The following NPAS3 variants were observed in gnomAD, a reference collection of about 807,000 sequenced individuals.
NPAS3 encodes the protein neuronal PAS domain protein 3.
NPAS3 carries 14 observed loss-of-function variants against 73.1 expected under a neutral mutation model. That is an observed-to-expected ratio of 0.19 (90% CI 0.13 to 0.30). The LOEUF is 0.30. NPAS3 is among the 10% of genes least tolerant of loss of function. The pLI, the probability that NPAS3 is intolerant of heterozygous loss-of-function variation, is 1.00. For missense variants in NPAS3, 1,096 were observed against 1,250.0 expected, an observed-to-expected ratio of 0.88 and a Z score of 1.86; for synonymous variants, 620 against 541.5, an observed-to-expected ratio of 1.14 and a Z score of -2.01.
intron 1 of NPAS3, among the ~76,000 whole-genome samples, chr14:32,991,174 C>T (rs552429005): frequency 2.0e-5 from 3 of 151,468 alleles, no homozygotes; most frequent in African/African-American, 7.3e-5. Context: ...CGGGGTCTCA[C>T]TATGTTGCCC....
At chr14:33,697,245 T>C (rs1301176349) in intron 6 of NPAS3, among the ~76,000 whole-genome samples, 1 of 152,190 alleles carries the variant, frequency 6.6e-6, no homozygotes, top group Non-Finnish European at 1.5e-5. Flanking sequence ...GCCTGCTACC[T>C]ATGTCTATCA....
intron 1 of NPAS3, among the ~76,000 whole-genome samples, chr14:32,948,012 A>G (rs1049547104): frequency 4.6e-5 from 7 of 152,160 alleles, no homozygotes; most frequent in Non-Finnish European, 8.8e-5. Flanking sequence ...AACCTGCAGA[A>G]TGCACAGCAA....
At position 33,335,030 on chromosome 14, in the gene NPAS3, T is replaced by TTGTGTGTGTGCGTGTGTG. The variant is rs1491383211; in HGVS notation, c.386-32146_386-32145insCGTGTGTGTGTGTGTGTG. Among the ~76,000 whole-genome samples the TTGTGTGTGTGCGTGTGTG allele has an allele frequency of 9.0e-5, 13 of 144,266 alleles. No homozygotes were observed. The South Asian group carries it at 2.0e-3, about 22-fold the overall frequency. The allele number at this position is 144,266 out of a possible 152,430, so 94.6% of individuals were successfully genotyped here. On this transcript the variant is annotated intron_variant, in intron 3 of 11. Coordinates refer to ENST00000356141, the Ensembl canonical transcript of NPAS3. ...CTTGCTATGGCTTAGTGGTATTCCA[T>TTGTGTGTGTGCGTGTGTG]TGTGTGTGTGTGCGTGTGTGTGTGT...
At chr14:33,147,478 G>A (rs1290804884) in intron 2 of NPAS3, among the ~76,000 whole-genome samples, 1 of 151,388 alleles carries the variant, frequency 6.6e-6, no homozygotes, top group Non-Finnish European at 1.5e-5. Flanking sequence ...AATATGCTAG[G>A]TGATAGAAAT....
chr14:33,252,610 A>G (rs1358548938), intron 3 of NPAS3, among the ~76,000 whole-genome samples: 1 of 151,536 alleles, frequency 6.6e-6, no homozygotes, highest in Admixed American at 6.6e-5. Flanking sequence ...ACTATTACAT[A>G]TGTTATTTGA....
At chr14:33,099,064 C>A (rs2042507567) in intron 2 of NPAS3, among the ~76,000 whole-genome samples, 1 of 152,148 alleles carries the variant, frequency 6.6e-6, no homozygotes, top group African/African-American at 2.4e-5. Flanking sequence ...AAAGCCCTGG[C>A]AGGCAAGGTC....
chr14:33,621,538 T>C (rs996701709), intron 5 of NPAS3, among the ~76,000 whole-genome samples: 1 of 152,154 alleles, frequency 6.6e-6, no homozygotes, highest in Non-Finnish European at 1.5e-5. Context: ...TTATTAACTA[T>C]CTCCATACCC....
At chr14:33,024,126 ATG>A (rs756407576) in intron 1 of NPAS3, among the ~76,000 whole-genome samples, 12 of 144,360 alleles carry the variant, frequency 8.3e-5, no homozygotes, top group African/African-American at 1.6e-4. Context: ...GTGTATATAT[ATG>A]TGTGTGTGTG....
chr14:33,680,724 G>A (rs2059911668), intron 6 of NPAS3: 2 of 683,866 alleles, frequency 2.9e-6, no homozygotes, highest in East Asian at 5.4e-5. Flanking sequence ...GGCTTTTTGG[G>A]TGGGTGTGAG....
intron 4 of NPAS3, among the ~76,000 whole-genome samples, chr14:33,463,236 G>A (rs991192915): frequency 3.3e-5 from 5 of 152,236 alleles, no homozygotes; most frequent in African/African-American, 1.2e-4. Context: ...GAACAAATCT[G>A]TAGTAATCCT....
At chr14:33,329,113 T>C (rs968114359) in intron 3 of NPAS3, among the ~76,000 whole-genome samples, 10 of 152,186 alleles carry the variant, frequency 6.6e-5, no homozygotes, top group Admixed American at 2.0e-4. Flanking sequence ...TCAGGTATGA[T>C]GTTTTGCTAC....
intron 4 of NPAS3, among the ~76,000 whole-genome samples, chr14:33,534,271 T>C (rs1334984008): frequency 2.7e-5 from 4 of 150,580 alleles, no homozygotes; most frequent in Admixed American, 6.6e-5. Flanking sequence ...GTATGAACCA[T>C]GGCATGCTGA....
intron 6 of NPAS3, among the ~76,000 whole-genome samples, chr14:33,729,778 G>A (rs538226611): frequency 2.9e-4 from 44 of 152,170 alleles, no homozygotes; most frequent in Middle Eastern, 6.8e-3. Context: ...ATTAAAAGCA[G>A]GTCACCAAGT....
intron 4 of NPAS3, among the ~76,000 whole-genome samples, chr14:33,475,047 C>T (rs895235746): frequency 4.6e-5 from 7 of 151,934 alleles, no homozygotes; most frequent in African/African-American, 9.6e-5. Flanking sequence ...TGATTGATTC[C>T]GAAGCTGACA....
chr14:33,129,272 G>A (rs1374641165), intron 2 of NPAS3, among the ~76,000 whole-genome samples: 1 of 152,112 alleles, frequency 6.6e-6, no homozygotes, highest in East Asian at 1.9e-4. Flanking sequence ...AGGGCATTAA[G>A]GGAAAGAGAG....
chr14:33,643,516 G>A (rs2058738247), intron 5 of NPAS3, among the ~76,000 whole-genome samples: 1 of 152,062 alleles, frequency 6.6e-6, no homozygotes, highest in Admixed American at 6.5e-5. Flanking sequence ...GGGTTAAGCA[G>A]TAAGCTCTCG....
At chr14:33,795,318 T>C (rs1242880067) in intron 10 of NPAS3, among the ~76,000 whole-genome samples, 1 of 152,186 alleles carries the variant, frequency 6.6e-6, no homozygotes, top group African/African-American at 2.4e-5. Flanking sequence ...AGTATGTGTA[T>C]TGAGTGTGGC....
At chr14:33,459,901 A>G (rs2050184596) in intron 4 of NPAS3, among the ~76,000 whole-genome samples, 2 of 152,230 alleles carry the variant, frequency 1.3e-5, no homozygotes, top group Admixed American at 1.3e-4. Flanking sequence ...TTGCTAGACT[A>G]TAGGCTCTTT....
chr14:33,007,862 T>C (rs1442548738), intron 1 of NPAS3, among the ~76,000 whole-genome samples: 1 of 152,156 alleles, frequency 6.6e-6, no homozygotes, highest in Non-Finnish European at 1.5e-5. Context: ...TGTGGCTGTG[T>C]TCCAATAAAA....
Sources: gnomAD v4.1 joint callset for allele counts (sites outside exome capture counted in the v4.1 genomes callset) on GRCh38, gnomAD v4.1.1 for gene constraint, MANE v1.5 for transcripts, NCBI Gene and HGNC (gene_info 2026-07-23, HGNC 2026-07-21) for gene names.